The following DIAPH2 variants were observed in gnomAD, a reference collection of about 807,000 sequenced individuals.
The protein encoded by DIAPH2 is protein diaphanous homolog 2.
In DIAPH2, 35 loss-of-function variants were observed where a neutral mutation model predicts 92.7. That is an observed-to-expected ratio of 0.38 (90% CI 0.29 to 0.50). DIAPH2 has a LOEUF of 0.50. Among genes scored for constraint, DIAPH2 ranks in the 20% least tolerant of loss-of-function variants. The probability of loss-of-function intolerance (pLI) is 0.94; values close to 1 mark genes in which losing one functional copy is unlikely to be tolerated. For missense variants in DIAPH2, 701 were observed against 819.5 expected (o/e 0.86, Z 1.77); for synonymous variants, 301 against 280.4 (o/e 1.07, Z -0.73).
chrX:96,697,010 T>G (rs1179089812), intron 1 of DIAPH2, among the ~76,000 whole-genome samples: 1 of 111,062 alleles, frequency 9.0e-6, no homozygotes, highest in South Asian at 3.8e-4. Flanking sequence ...ACGGAGTCAG[T>G]GACATTGCAG....
At chrX:96,999,679 C>T (rs2066130249) in intron 17 of DIAPH2, among the ~76,000 whole-genome samples, 1 of 110,101 alleles carries the variant, frequency 9.1e-6, no homozygotes, top group African/African-American at 3.3e-5. Context: ...TACATGTATC[C>T]ATTGTTTTTG....
chrX:97,562,314 G>A lies in DIAPH2; in HGVS notation c.3242-36939G>A, dbSNP rs184729052. Among the ~76,000 whole-genome samples the A allele has an allele frequency of 7.8e-3, 834 of 106,467 alleles. 15 individuals are homozygous for A. The highest frequency in any genetic ancestry group is 0.028 in the African/African-American group (790 of 28,599). The allele number at this position is 106,467 out of a possible 115,157, so 92.5% of individuals were successfully genotyped here. A position where few individuals can be genotyped will look rare whatever the true frequency, so the allele number is the denominator to read the frequency against. On this transcript the variant is annotated intron_variant, in intron 26 of 26. Transcript: ENST00000324765. Reference sequence around the variant, plus strand: ...AGTTCAAGACCAGCCTGGCCAATATGGTGAAACCCCATCTCTACTAAAAAT... The same window carrying A: ...AGTTCAAGACCAGCCTGGCCAATATAGTGAAACCCCATCTCTACTAAAAAT...
chrX:97,530,729 T>G (rs1483141082), intron 26 of DIAPH2, among the ~76,000 whole-genome samples: 1 of 107,398 alleles, frequency 9.3e-6, no homozygotes, highest in East Asian at 2.8e-4. Context: ...TTAGCATGAT[T>G]TTTTAAATTA....
chrX:97,344,173 T>A (rs925639238), intron 23 of DIAPH2, among the ~76,000 whole-genome samples: 14 of 112,174 alleles, frequency 1.2e-4, no homozygotes, highest in Admixed American at 6.6e-4. Flanking sequence ...GCTTTAATGA[T>A]CATTCTATCG....
At chrX:97,124,312 C>T (rs2067076970) in intron 21 of DIAPH2, among the ~76,000 whole-genome samples, 1 of 112,284 alleles carries the variant, frequency 8.9e-6, no homozygotes, top group African/African-American at 3.2e-5. Context: ...CTCCTCCTTG[C>T]CTCTTAAAAT....
At chrX:97,445,593 ATTGTTTTTTG>A (rs1265797512) in intron 26 of DIAPH2, among the ~76,000 whole-genome samples, 6 of 102,658 alleles carry the variant, frequency 5.8e-5, no homozygotes, top group Admixed American at 5.2e-4. Flanking sequence ...AATTTTTCTT[ATTGTTTTTTG>A]TTGTTTTTTT....
At chrX:96,832,319 C>T (rs1475372332) in intron 4 of DIAPH2, among the ~76,000 whole-genome samples, 1 of 111,725 alleles carries the variant, frequency 9.0e-6, no homozygotes, top group Non-Finnish European at 1.9e-5. Context: ...CCAACTGCCT[C>T]TCACATATAC....
At chrX:97,298,701 G>T (rs1391056732) in intron 23 of DIAPH2, among the ~76,000 whole-genome samples, 1 of 101,896 alleles carries the variant, frequency 9.8e-6, no homozygotes, top group Non-Finnish European at 2.0e-5. Flanking sequence ...TGCAAGCTCC[G>T]CCTCCCGGGT....
intron 1 of DIAPH2, among the ~76,000 whole-genome samples, chrX:96,731,874 G>A (rs1246349479): frequency 9.0e-6 from 1 of 111,573 alleles, no homozygotes; most frequent in Non-Finnish European, 1.9e-5. Context: ...AAAATATATG[G>A]TCACTATATT....
intron 5 of DIAPH2, among the ~76,000 whole-genome samples, chrX:96,894,469 A>G (rs933404310): frequency 5.4e-5 from 6 of 112,085 alleles, no homozygotes; most frequent in Non-Finnish European, 1.9e-5. Context: ...TGAAGTGGAT[A>G]CAGCACTAAA....
chrX:97,197,764 C>G (rs1428452688), intron 22 of DIAPH2, among the ~76,000 whole-genome samples: 2 of 111,857 alleles, frequency 1.8e-5, no homozygotes, highest in African/African-American at 6.5e-5. Flanking sequence ...AATGGCTGCT[C>G]TTCAGCCTTT....
chrX:97,596,006 C>T (rs2071548746), intron 26 of DIAPH2, among the ~76,000 whole-genome samples: 1 of 112,077 alleles, frequency 8.9e-6, no homozygotes. Flanking sequence ...TTCATAGTAT[C>T]AGAATCTATT....
At chrX:96,775,188 G>A (rs1411252366) in intron 4 of DIAPH2, among the ~76,000 whole-genome samples, 1 of 110,928 alleles carries the variant, frequency 9.0e-6, no homozygotes, top group Non-Finnish European at 1.9e-5. Context: ...AGGTTTAAGT[G>A]GTCCCTCAGC....
chrX:97,091,157 G>C, intron 19 of DIAPH2, among the ~76,000 whole-genome samples: 1 of 110,837 alleles, frequency 9.0e-6, no homozygotes, highest in Admixed American at 9.6e-5. Context: ...TCCACCTCCT[G>C]TTCCCCACTT....
At chrX:97,019,160 C>T (rs770822439) in intron 17 of DIAPH2, among the ~76,000 whole-genome samples, 2 of 111,912 alleles carry the variant, frequency 1.8e-5, no homozygotes, top group East Asian at 5.6e-4. Flanking sequence ...ATGAATAAAG[C>T]TGCCATAACC....
chrX:96,998,495 T>C (rs2066120125), intron 17 of DIAPH2, among the ~76,000 whole-genome samples: 1 of 111,982 alleles, frequency 8.9e-6, no homozygotes, highest in Non-Finnish European at 1.9e-5. Flanking sequence ...CTGGATTCTT[T>C]TCATATTATT....
chrX:97,215,221 A>G (rs1168754427), intron 22 of DIAPH2, among the ~76,000 whole-genome samples: 1 of 111,441 alleles, frequency 9.0e-6, no homozygotes, highest in Non-Finnish European at 1.9e-5. Context: ...TCCTTCTAAT[A>G]TAGTTTTCTT....
chrX:96,709,630 A>C, intron 1 of DIAPH2, among the ~76,000 whole-genome samples: 1 of 112,074 alleles, frequency 8.9e-6, no homozygotes, highest in Non-Finnish European at 1.9e-5. Context: ...AAAATGTTGA[A>C]GGTAATGTTT....
chrX:97,379,007 A>G (rs752709366), intron 24 of DIAPH2, among the ~76,000 whole-genome samples: 68 of 111,833 alleles, frequency 6.1e-4, no homozygotes, highest in Non-Finnish European at 1.1e-3. Context: ...CTATCATACA[A>G]CTTCTGATAC....
Sources: allele counts gnomAD v4.1 joint callset (sites outside exome capture counted in the v4.1 genomes callset), GRCh38; gene constraint gnomAD v4.1.1; transcripts MANE v1.5; gene names NCBI Gene and HGNC (gene_info 2026-07-23, HGNC 2026-07-21).